NPTXR: variants seen among roughly 807,000 people sequenced by gnomAD.
NPTXR encodes the protein neuronal pentraxin receptor.
NPTXR carries 12 observed loss-of-function variants against 32.2 expected under a neutral mutation model. The ratio of observed to expected loss-of-function variants is 0.37; its 90% CI spans 0.24 to 0.60. The LOEUF is 0.60. NPTXR is among the 20% of genes least tolerant of loss of function. NPTXR has a pLI of 0.66. For synonymous variants in NPTXR, 323 were observed against 315.8 expected, an observed-to-expected ratio of 1.02 and a Z score of -0.24; for missense variants, 612 against 682.9, an observed-to-expected ratio of 0.90 and a Z score of 1.16.
rs1319462133 is a variant in NPTXR, at chr22:38,819,210, A to T, written c.*3399T>A. On this transcript the variant is annotated 3_prime_UTR_variant, in exon 5 of 5. Transcript: ENST00000333039. ...GGCCCCAAGCAAGAGTTGGAGAAGC[A>T]GCAATTTCCCTCCCCTTCCCTGCCC... The T allele has an allele frequency of 6.6e-6, 1 of 152,316 alleles. No homozygotes were observed. The highest frequency in any genetic ancestry group is 1.9e-4 in the East Asian group (1 of 5,198). 9.4% of individuals were successfully genotyped at this position (152,316 alleles called of 1,614,324 possible). A position where few individuals can be genotyped will look rare whatever the true frequency, so the allele number is the denominator to read the frequency against.
chr22:38,831,193 G>A (rs2093115663), intron 1 of NPTXR, among the ~76,000 whole-genome samples: 1 of 152,302 alleles, frequency 6.6e-6, no homozygotes, highest in East Asian at 1.9e-4. Context: ...AGGCGCTTGA[G>A]CCCTGGAGTT....
At position 38,822,523 on chromosome 22, in the gene NPTXR, T is replaced by C. The variant is rs1181771626; in HGVS notation, c.*86A>G. The C allele has an allele frequency of 2.5e-6, 3 of 1,194,720 alleles. No individual in the cohort carries two copies. The Admixed American group carries it at 6.1e-5, about 24-fold the overall frequency. The allele number at this position is 1,194,720 out of a possible 1,614,324, so 74.0% of individuals were successfully genotyped here. The stretch of plus-strand genomic sequence containing the variant: ...GGAGTGGGGCAGGAGGGAAGGCCAG[T>C]GCGTGGGCAGGCTGAGGAGGGAATA... On this transcript the variant is annotated 3_prime_UTR_variant, in exon 5 of 5. Coordinates refer to ENST00000333039, the MANE Select transcript of NPTXR (RefSeq NM_014293.4).
chr22:38,841,756 C>T (rs1337759146), intron 1 of NPTXR, among the ~76,000 whole-genome samples: 1 of 152,140 alleles, frequency 6.6e-6, no homozygotes, highest in Non-Finnish European at 1.5e-5. Flanking sequence ...TCCTAATATC[C>T]CAGTGAGGTA....
At chr22:38,832,853 A>T (rs971665583) in intron 1 of NPTXR, among the ~76,000 whole-genome samples, 5 of 151,746 alleles carry the variant, frequency 3.3e-5, no homozygotes, top group African/African-American at 1.2e-4. Flanking sequence ...GGCAAGCAGG[A>T]GAGGTACTAA....
rs1242890289 is a variant in NPTXR, at chr22:38,819,130, C to T, written c.*3479G>A. On this transcript the variant is annotated 3_prime_UTR_variant, in exon 5 of 5. Coordinates refer to ENST00000333039, the MANE Select transcript of NPTXR (RefSeq NM_014293.4). ...GGATGTTGGTGGGGGCACCACATGC[C>T]ACAAGATGGGAAGATCTGGCAGATA... is the stretch of plus-strand genomic sequence containing the variant. 1.3e-5 allele frequency: 2 copies of T among 152,254 alleles called. No homozygotes were observed. The highest frequency in any genetic ancestry group is 2.9e-5 in the Non-Finnish European group (2 of 68,082). The allele number at this position is 152,254 out of a possible 1,614,324, so 9.4% of individuals were successfully genotyped here. A position where few individuals can be genotyped will look rare whatever the true frequency, so the allele number is the denominator to read the frequency against.
At position 38,843,356 on chromosome 22, in the gene NPTXR, C is replaced by A; in HGVS notation, c.503G>T (p.Gly168Val). ...GCGGCGGGGCCCGGCGCCCTGGAGG[C>A]CGCGCGGCAGGCCGCTCTCGCAGCG... is the stretch of plus-strand genomic sequence containing the variant. Residue 168 changes from glycine to valine, a missense_variant, in exon 1 of 5, where the codon GGC becomes GTC. Transcript: ENST00000333039. The surrounding 1 kb of genome is among the most constrained non-coding windows in gnomAD (Gnocchi z 5.3). The A allele has an allele frequency of 7.1e-7, 1 of 1,412,174 alleles. No homozygotes were observed. 87.5% of individuals were successfully genotyped at this position (1,412,174 alleles called of 1,614,324 possible).
rs564595116 is a variant in NPTXR, at chr22:38,835,095, TG to T, written c.625-6584del. Among the ~76,000 whole-genome samples, 171 of 152,336 alleles carry T rather than the reference TG, an allele frequency of 1.1e-3. 1 individual carries two copies. The highest frequency in any genetic ancestry group is 4.0e-3 in the African/African-American group (165 of 41,582). ...TTGTGGGATTCAATTGTAAGGCCCT[TG>T]ACAGGCCTGGTGCAGAGGGTGAGCT... On this transcript the variant is annotated intron_variant, in intron 1 of 4. Transcript: ENST00000333039.
intron 1 of NPTXR, among the ~76,000 whole-genome samples, chr22:38,840,043 C>T (rs1343812249): frequency 6.6e-6 from 1 of 152,216 alleles, no homozygotes; most frequent in Non-Finnish European, 1.5e-5. Flanking sequence ...ACAATAACAA[C>T]ACAAATAAAA....
In NPTXR at chr22:38,822,402, G is replaced by T; in HGVS notation, c.*207C>A. The T allele has an allele frequency of 3.4e-6, 2 of 584,916 alleles. No homozygotes were observed. Among genetic ancestry groups the T allele is most frequent in the Non-Finnish European group, 3.1e-6 (1 of 326,130 alleles). 36.2% of individuals were successfully genotyped at this position (584,916 alleles called of 1,614,324 possible). A position where few individuals can be genotyped will look rare whatever the true frequency, so the allele number is the denominator to read the frequency against. Reference sequence around the variant, plus strand: ...CAGGCTCCCACTGTTCACTTGAGACGCTCCTCCCCACTCAGGTGGGGACAG... The same window carrying T: ...CAGGCTCCCACTGTTCACTTGAGACTCTCCTCCCCACTCAGGTGGGGACAG... On this transcript the variant is annotated 3_prime_UTR_variant, in exon 5 of 5. Transcript: ENST00000333039.
chr22:38,818,573 T>G lies in NPTXR; in HGVS notation c.*4036A>C, dbSNP rs2093091462. The G allele has an allele frequency of 6.6e-6, 1 of 152,382 alleles. No homozygotes were observed. The highest frequency in any genetic ancestry group is 1.5e-5 in the Non-Finnish European group (1 of 68,126). 9.4% of individuals were successfully genotyped at this position (152,382 alleles called of 1,614,324 possible). On this transcript the variant is annotated 3_prime_UTR_variant, in exon 5 of 5. Coordinates refer to ENST00000333039, the MANE Select transcript of NPTXR (RefSeq NM_014293.4). This position sits in a 1 kb window ranked among gnomAD's most constrained non-coding sequence, Gnocchi z 4.5. ...ACACACGCACACACACGCACACATG[T>G]TGCAGCTCATGTCAATTTATGTACA...
intron 1 of NPTXR, among the ~76,000 whole-genome samples, chr22:38,831,706 C>T (rs1052867284): frequency 3.3e-5 from 5 of 151,960 alleles, no homozygotes; most frequent in Non-Finnish European, 7.4e-5. Context: ...CGGGCTGGGG[C>T]AGGGTGTCCC....
Position 38,822,696 on chromosome 22 carries a change from G to A in NPTXR, c.1416C>T (p.Val472=), listed in dbSNP as rs2093099918. 6.2e-7 allele frequency: 1 copy of A among 1,614,038 alleles called. No individual in the cohort carries two copies. Among genetic ancestry groups the A allele is most frequent in the South Asian group, 1.1e-5 (1 of 91,086 alleles). ...CCACCAACTTGTCTTCCCAGGGAAG[G>A]ACGTTGCCCAGCAGTGGCGCAGTGC... The change falls in exon 5 of 5, where the codon GTC becomes GTT. Residue 472 remains valine (V), a synonymous_variant. Transcript: ENST00000333039.
rs2093135762 is a variant in NPTXR, at chr22:38,843,804, C to T, written c.55G>A (p.Val19Ile). 3.9e-6 allele frequency: 4 copies of T among 1,018,860 alleles called. No homozygotes were observed. The highest frequency in any genetic ancestry group is 9.3e-5 in the East Asian group (1 of 10,762). 63.1% of individuals were successfully genotyped at this position (1,018,860 alleles called of 1,614,324 possible). ...GGCACGCTGGCGATGATGCAGATGA[C>T]GGCACCGAGGAACGCCAGCATGCCC... Residue 19 changes from valine to isoleucine, a missense_variant, in exon 1 of 5, where the codon GTC becomes ATC. Physicochemically the swap from Val to Ile is conservative, Grantham distance 29. Transcript: ENST00000333039. The surrounding 1 kb of genome is among the most constrained non-coding windows in gnomAD (Gnocchi z 5.3).
intron 1 of NPTXR, among the ~76,000 whole-genome samples, chr22:38,832,521 A>T (rs937122355): frequency 6.6e-5 from 10 of 152,124 alleles, no homozygotes; most frequent in African/African-American, 2.4e-4. Flanking sequence ...GCTCATTAGC[A>T]CTCAATCAGA....
chr22:38,823,809 G>C (rs1436607324), intron 3 of NPTXR, among the ~76,000 whole-genome samples: 1 of 152,192 alleles, frequency 6.6e-6, no homozygotes, highest in Non-Finnish European at 1.5e-5. Context: ...CCTCCACCCA[G>C]GGCAGACATA....
Position 38,843,332 on chromosome 22 carries a change from C to G in NPTXR, c.527G>C (p.Arg176Pro). 7.1e-7 allele frequency: 1 copy of G among 1,414,258 alleles called. No homozygotes were observed. The highest frequency in any genetic ancestry group is 9.2e-7 in the Non-Finnish European group (1 of 1,091,816). The allele number at this position is 1,414,258 out of a possible 1,614,324, so 87.6% of individuals were successfully genotyped here. The change falls in exon 1 of 5, where the codon CGC becomes CCC. Residue 176 changes from arginine (R) to proline (P), a missense_variant. Arg to Pro is a moderately radical substitution (Grantham distance 103). Transcript: ENST00000333039. The surrounding 1 kb of genome is among the most constrained non-coding windows in gnomAD (Gnocchi z 5.3). ...CCAGGGCCCGTCGGCCATGGTGTCG[C>G]GGCGGGGCCCGGCGCCCTGGAGGCC...
chr22:38,838,170 T>G (rs2146199199), intron 1 of NPTXR, among the ~76,000 whole-genome samples: 1 of 151,818 alleles, frequency 6.6e-6, no homozygotes, highest in South Asian at 2.1e-4. Context: ...TTCAGAGACT[T>G]TTTAGAGCTG....
Position 38,843,957 on chromosome 22 carries a change from GGGAGCCGGAGCCGGAGCC to G in NPTXR, c.-117_-100del, listed in dbSNP as rs537043647. On this transcript the variant is annotated 5_prime_UTR_variant, in exon 1 of 5. Transcript: ENST00000333039. The surrounding 1 kb of genome is among the most constrained non-coding windows in gnomAD (Gnocchi z 5.3). ...GCGCTGGGCCGAGCGGGGCAGGCGCGGGAGCCGGAGCCGGAGCCGGAGCCGGAGCCGGAGCTGGAGCTG... is the reference window on the plus strand; with the variant it reads ...GCGCTGGGCCGAGCGGGGCAGGCGCGGGAGCCGGAGCCGGAGCTGGAGCTG... The G allele has an allele frequency of 4.2e-5, 29 of 695,320 alleles. No homozygotes were observed. The highest frequency in any genetic ancestry group is 1.3e-4 in the East Asian group (1 of 7,496). 43.1% of individuals were successfully genotyped at this position (695,320 alleles called of 1,614,324 possible).
chr22:38,838,255 C>G (rs559604290), intron 1 of NPTXR, among the ~76,000 whole-genome samples: 1 of 151,900 alleles, frequency 6.6e-6, no homozygotes, highest in African/African-American at 2.4e-5. Context: ...TGGTGGGGGG[C>G]GGGGCAGGGA....
Sources: gnomAD v4.1 joint callset for allele counts (sites outside exome capture counted in the v4.1 genomes callset) on GRCh38, gnomAD v4.1.1 for gene constraint, Gnocchi (gnomAD v3.1) non-coding constraint, MANE v1.5 for transcripts, NCBI Gene and HGNC (gene_info 2026-07-23, HGNC 2026-07-21) for gene names.